Variants in SEMA3A observed in about 807,000 individuals in gnomAD.
SEMA3A encodes the protein semaphorin-3A.
SEMA3A carries 29 observed loss-of-function variants against 97.9 expected under a neutral mutation model. The ratio of observed to expected loss-of-function variants is 0.30; its 90% CI spans 0.22 to 0.40. The LOEUF is 0.40. Among genes scored for constraint, SEMA3A ranks in the 10% least tolerant of loss-of-function variants. The pLI, the probability that SEMA3A is intolerant of heterozygous loss-of-function variation, is 1.00. For synonymous variants in SEMA3A, 321 were observed against 323.7 expected (o/e 0.99, Z 0.09); for missense variants, 763 against 951.3 (o/e 0.80, Z 2.60).
intron 1 of SEMA3A, among the ~76,000 whole-genome samples, chr7:84,169,976 C>T (rs17242340): frequency 0.39 from 58,889 of 151,266 alleles, 12,954 homozygotes; most frequent in Admixed American, 0.49. Flanking sequence ...AATAACATGC[C>T]CTCATTAACT....
intron 1 of SEMA3A, among the ~76,000 whole-genome samples, chr7:84,447,259 T>G (rs1805438423): frequency 6.6e-6 from 1 of 152,152 alleles, no homozygotes; most frequent in Non-Finnish European, 1.5e-5. Context: ...GCAGGCACCC[T>G]TTGGGACAAA....
chr7:84,066,533 G>A (rs1793506782), intron 4 of SEMA3A, among the ~76,000 whole-genome samples: 2 of 149,416 alleles, frequency 1.3e-5, no homozygotes, highest in African/African-American at 2.5e-5. Context: ...CATTGTCTCA[G>A]CCCAAAATCT....
chr7:84,160,160 A>C (rs1796979986), intron 1 of SEMA3A, among the ~76,000 whole-genome samples: 1 of 152,164 alleles, frequency 6.6e-6, no homozygotes, highest in Non-Finnish European at 1.5e-5. Flanking sequence ...GAATTGCACC[A>C]AATATTGGTA....
At chr7:84,214,198 A>C (rs1798693374) in intron 3 of SEMA3A, among the ~76,000 whole-genome samples, 1 of 152,196 alleles carries the variant, frequency 6.6e-6, no homozygotes. Flanking sequence ...AAAAAAAATT[A>C]TCCCCATATT....
intron 1 of SEMA3A, among the ~76,000 whole-genome samples, chr7:84,189,840 T>C (rs989574029): frequency 5.3e-5 from 8 of 151,702 alleles, no homozygotes; most frequent in Non-Finnish European, 1.2e-4. Context: ...CAAATTATAA[T>C]ACATGATTTA....
At chr7:84,061,982 T>C (rs1048703109) in intron 4 of SEMA3A, among the ~76,000 whole-genome samples, 4 of 152,184 alleles carry the variant, frequency 2.6e-5, no homozygotes, top group Admixed American at 6.5e-5. Context: ...TAGCTCTGGT[T>C]CTCTGGTCAC....
chr7:84,006,162 A>G (rs1188365046), intron 10 of SEMA3A, among the ~76,000 whole-genome samples: 1 of 152,116 alleles, frequency 6.6e-6, no homozygotes, highest in Non-Finnish European at 1.5e-5. Context: ...GACATAATGA[A>G]TGGAATATAC....
At chr7:84,160,579 C>A (rs1313298591) in intron 1 of SEMA3A, among the ~76,000 whole-genome samples, 1 of 149,960 alleles carries the variant, frequency 6.7e-6, no homozygotes, top group Non-Finnish European at 1.5e-5. Flanking sequence ...AACAAACAAA[C>A]AAAAAAATTC....
chr7:84,430,819 G>GTGTGTGTGTGTGTGTGTA (rs149621698), intron 1 of SEMA3A, among the ~76,000 whole-genome samples: 14 of 148,476 alleles, frequency 9.4e-5, no homozygotes, highest in African/African-American at 3.0e-4. Flanking sequence ...GTGTGTGTGT[G>GTGTGTGTGTGTGTGTGTA]TGTATTTAGA....
intron 6 of SEMA3A, among the ~76,000 whole-genome samples, chr7:84,035,146 G>A (rs548033504): frequency 6.6e-6 from 1 of 151,928 alleles, no homozygotes; most frequent in East Asian, 1.9e-4. Flanking sequence ...ACATTTATTA[G>A]TTAAAAACAA....
chr7:84,153,761 A>G (rs1796750645), intron 1 of SEMA3A, among the ~76,000 whole-genome samples: 1 of 152,112 alleles, frequency 6.6e-6, no homozygotes, highest in Non-Finnish European at 1.5e-5. Flanking sequence ...ACACTTCTCT[A>G]CAGTTAAGCA....
chr7:84,260,314 C>T (rs1302505549), intron 3 of SEMA3A, among the ~76,000 whole-genome samples: 1 of 152,122 alleles, frequency 6.6e-6, no homozygotes. Flanking sequence ...CTGGAGCTGC[C>T]ATTGCAAGGA....
chr7:84,187,412 T>C (rs1797920064), intron 1 of SEMA3A, among the ~76,000 whole-genome samples: 1 of 152,164 alleles, frequency 6.6e-6, no homozygotes, highest in Non-Finnish European at 1.5e-5. Flanking sequence ...TCCAAAGGAA[T>C]GCAATAATTC....
intron 4 of SEMA3A, among the ~76,000 whole-genome samples, chr7:84,078,709 TTTA>T (rs1422722382): frequency 6.6e-6 from 1 of 151,994 alleles, no homozygotes; most frequent in Non-Finnish European, 1.5e-5. Context: ...CACTCATTGC[TTTA>T]TTATTATACA....
At chr7:84,092,072 C>T (rs1000591256) in intron 4 of SEMA3A, among the ~76,000 whole-genome samples, 1 of 152,102 alleles carries the variant, frequency 6.6e-6, no homozygotes, top group Non-Finnish European at 1.5e-5. Context: ...TAATGTTATA[C>T]ATGTGCCAAA....
chr7:84,132,783 C>T (rs2116035934), intron 2 of SEMA3A, among the ~76,000 whole-genome samples: 1 of 144,348 alleles, frequency 6.9e-6, no homozygotes, highest in East Asian at 2.2e-4. Flanking sequence ...TCAAGCCAGT[C>T]TCTTGCCTCA....
At chr7:84,322,906 T>C (rs1247722025) in intron 2 of SEMA3A, among the ~76,000 whole-genome samples, 1 of 152,142 alleles carries the variant, frequency 6.6e-6, no homozygotes, top group Non-Finnish European at 1.5e-5. Context: ...TGAGGGAGAA[T>C]AGCATGGCAG....
chr7:84,200,490 G>A (rs538153524), intron 3 of SEMA3A, among the ~76,000 whole-genome samples: 1 of 152,080 alleles, frequency 6.6e-6, no homozygotes, highest in Non-Finnish European at 1.5e-5. Flanking sequence ...AGAGTGACAA[G>A]AGAAGGGATG....
rs1290428562 is a variant in SEMA3A at position 84,121,731 on chromosome 7, C to T, written c.333+7392G>A. On this transcript the variant is annotated intron_variant, in intron 3 of 16. Coordinates refer to ENST00000265362, the MANE Select transcript of SEMA3A (RefSeq NM_006080.3). ...TCGGCTCACTGCAAGCTCCGCCTCC[C>T]GGGTTCACGCCATTCTCCTGCCTCA... is the stretch of plus-strand genomic sequence containing the variant. 1.8e-4 allele frequency among the ~76,000 whole-genome samples: 7 copies of T among 39,792 alleles called. 3 individuals are homozygous for T. Among genetic ancestry groups the T allele is most frequent in the Non-Finnish European group, 2.4e-4 (5 of 20,838 alleles). 26.1% of individuals were successfully genotyped at this position (39,792 alleles called of 152,430 possible). A position where few individuals can be genotyped will look rare whatever the true frequency, so the allele number is the denominator to read the frequency against.
Sources: allele counts gnomAD v4.1 joint callset (sites outside exome capture counted in the v4.1 genomes callset), GRCh38; gene constraint gnomAD v4.1.1; transcripts MANE v1.5; gene names NCBI Gene and HGNC (gene_info 2026-07-23, HGNC 2026-07-21).